Variants in SLC14A2 observed in about 807,000 individuals in gnomAD.
SLC14A2 encodes the protein urea transporter 2.
SLC14A2 carries 91 observed loss-of-function variants against 104.6 expected under a neutral mutation model. The ratio of observed to expected loss-of-function variants is 0.87; its 90% CI spans 0.73 to 1.04. The LOEUF is 1.04. SLC14A2 is among the 50% of genes least tolerant of loss of function. SLC14A2 has a pLI of 0.00. For synonymous variants in SLC14A2, 476 were observed against 466.4 expected (o/e 1.02, Z -0.27); for missense variants, 1,189 against 1,156.0 (o/e 1.03, Z -0.41).
intron 2 of SLC14A2, among the ~76,000 whole-genome samples, chr18:45,598,392 T>C (rs951976556): frequency 2.6e-5 from 4 of 151,898 alleles, no homozygotes; most frequent in Non-Finnish European, 4.4e-5. Context: ...CTCAGGAGAG[T>C]GGCCCCAGCA....
chr18:45,399,505 TTGATAAGAAGGTCATGTGG>T (rs2086072614), intron 1 of SLC14A2, among the ~76,000 whole-genome samples: 1 of 152,116 alleles, frequency 6.6e-6, no homozygotes, highest in African/African-American at 2.4e-5. Flanking sequence ...CTGGGGTCCA[TTGATAAGAAGGTCATGTGG>T]GTGAAATGCT....
chr18:45,385,180 A>G (rs1394664485), intron 1 of SLC14A2, among the ~76,000 whole-genome samples: 2 of 152,248 alleles, frequency 1.3e-5, no homozygotes, highest in Non-Finnish European at 2.9e-5. Flanking sequence ...TCTAATCACC[A>G]GCATCCAATC....
At chr18:45,555,200 G>C (rs549937032) in intron 2 of SLC14A2, among the ~76,000 whole-genome samples, 2 of 152,320 alleles carry the variant, frequency 1.3e-5, no homozygotes, top group East Asian at 3.9e-4. Flanking sequence ...GAGGTACAAG[G>C]TAGCATACCC....
intron 2 of SLC14A2, among the ~76,000 whole-genome samples, chr18:45,520,190 C>T (rs2043498246): frequency 6.6e-6 from 1 of 152,234 alleles, no homozygotes; most frequent in African/African-American, 2.4e-5. Context: ...CAGTACCTAG[C>T]ACTATTCCCT....
the SLC14A2 span, among the ~76,000 whole-genome samples, chr18:45,199,403 TTC>T: frequency 2.0e-5 from 3 of 152,182 alleles, no homozygotes; most frequent in Non-Finnish European, 4.4e-5. Flanking sequence ...GTCTGTTAAT[TTC>T]TCTGTCATTT....
chr18:45,500,003 C>T (rs1305950030), intron 2 of SLC14A2, among the ~76,000 whole-genome samples: 3 of 152,164 alleles, frequency 2.0e-5, no homozygotes. Flanking sequence ...ATAGAGCATT[C>T]CTACAAAATA....
At chr18:45,515,185 T>C (rs2043421040) in intron 2 of SLC14A2, among the ~76,000 whole-genome samples, 1 of 152,216 alleles carries the variant, frequency 6.6e-6, no homozygotes, top group Non-Finnish European at 1.5e-5. Context: ...AAATGAATGA[T>C]TAAAAATGGA....
intron 1 of SLC14A2, among the ~76,000 whole-genome samples, chr18:45,619,875 C>T (rs116133454): frequency 3.9e-5 from 6 of 152,216 alleles, no homozygotes; most frequent in Admixed American, 3.9e-4. Context: ...GATCACTAAG[C>T]GCCTACTATG....
chr18:45,649,659 T>G (rs2045695706), intron 10 of SLC14A2, among the ~76,000 whole-genome samples: 1 of 152,266 alleles, frequency 6.6e-6, no homozygotes, highest in South Asian at 2.1e-4. Context: ...GGTGACATAT[T>G]CTTTGACCCT....
In SLC14A2 at chr18:45,678,844, T is replaced by G. The variant is rs2046267360; in HGVS notation, c.2513-131T>G. On this transcript the variant is annotated intron_variant, in intron 18 of 19. Transcript: ENST00000255226. ...AGCTGCCAAGCAATGGAAACATAAC[T>G]CAAATTTTTAAAAAATCTTAGAGAT... is the stretch of plus-strand genomic sequence containing the variant. The G allele has an allele frequency of 7.3e-6, 6 of 823,788 alleles. No homozygotes were observed. The South Asian group carries it at 1.2e-4, about 17-fold the overall frequency. 51.0% of individuals were successfully genotyped at this position (823,788 alleles called of 1,614,324 possible).
rs3058364 is a variant in SLC14A2, at chr18:45,567,055, A to AGTGTGTGTGTGTGTGTGT, written c.-34-57549_-34-57532dup. On this transcript the variant is annotated intron_variant, in intron 2 of 20. Transcript: ENST00000586448. ...TCTATAGCTGAGGACATGTGCACAT[A>AGTGTGTGTGTGTGTGTGT]GTGTGTGTGTGTGTGTGTGTGTGTG... Among the ~76,000 whole-genome samples, 19 of 139,902 alleles carry AGTGTGTGTGTGTGTGTGT rather than the reference A, an allele frequency of 1.4e-4. No individual in the cohort carries two copies. The East Asian group carries it at 2.0e-3, about 15-fold the overall frequency. The allele number at this position is 139,902 out of a possible 152,430, so 91.8% of individuals were successfully genotyped here. A position where few individuals can be genotyped will look rare whatever the true frequency, so the allele number is the denominator to read the frequency against.
At chr18:45,220,307 G>A (rs991142265) in intron 1 of SLC14A2, among the ~76,000 whole-genome samples, 1 of 152,154 alleles carries the variant, frequency 6.6e-6, no homozygotes, top group African/African-American at 2.4e-5. Context: ...GTCTGTCTGA[G>A]GTAAACACCA....
intron 1 of SLC14A2, among the ~76,000 whole-genome samples, chr18:45,215,224 A>G (rs1473190855): frequency 6.6e-6 from 1 of 152,216 alleles, no homozygotes; most frequent in African/African-American, 2.4e-5. Context: ...AAGATTAAGA[A>G]TCAATATTCA....
chr18:45,258,056 T>G (rs1309364701), intron 1 of SLC14A2, among the ~76,000 whole-genome samples: 1 of 152,190 alleles, frequency 6.6e-6, no homozygotes, highest in Admixed American at 6.5e-5. Flanking sequence ...TTCTTCATAT[T>G]TGGCATATCC....
intron 1 of SLC14A2, among the ~76,000 whole-genome samples, chr18:45,266,259 G>C (rs111611223): frequency 8.8e-4 from 134 of 152,222 alleles, no homozygotes; most frequent in African/African-American, 3.2e-3. Flanking sequence ...AGCTAAGAGA[G>C]GAAGTGGGTA....
intron 1 of SLC14A2, among the ~76,000 whole-genome samples, chr18:45,369,362 A>G (rs963025975): frequency 6.6e-6 from 1 of 152,154 alleles, no homozygotes; most frequent in Non-Finnish European, 1.5e-5. Context: ...TTTTCCAACT[A>G]ATTCACATGT....
At chr18:45,330,068 G>T (rs887667474) in intron 1 of SLC14A2, among the ~76,000 whole-genome samples, 1 of 152,138 alleles carries the variant, frequency 6.6e-6, no homozygotes, top group African/African-American at 2.4e-5. Flanking sequence ...GGAAACTAAG[G>T]CTCAAAGAAT....
intron 2 of SLC14A2, among the ~76,000 whole-genome samples, chr18:45,484,748 C>T (rs1318319972): frequency 2.0e-5 from 3 of 151,890 alleles, no homozygotes; most frequent in African/African-American, 7.3e-5. Flanking sequence ...TCTCTCTCTG[C>T]TTTAGCTTTT....
intron 2 of SLC14A2, among the ~76,000 whole-genome samples, chr18:45,593,670 T>C (rs1020614093): frequency 2.6e-5 from 4 of 151,712 alleles, no homozygotes; most frequent in Admixed American, 6.6e-5. Flanking sequence ...TTTGTATTTT[T>C]AGTAGAAACG....
Sources: gnomAD v4.1 joint callset for allele counts (sites outside exome capture counted in the v4.1 genomes callset) on GRCh38, gnomAD v4.1.1 for gene constraint, MANE v1.5 for transcripts, NCBI Gene and HGNC (gene_info 2026-07-23, HGNC 2026-07-21) for gene names.